Variants in ITGAX observed in about 807,000 individuals in gnomAD.
The protein encoded by ITGAX is integrin subunit alpha X.
ITGAX carries 99 observed loss-of-function variants against 140.2 expected under a neutral mutation model. The ratio of observed to expected loss-of-function variants is 0.71; its 90% confidence interval spans 0.60 to 0.83. The LOEUF is 0.83. Ranked by LOEUF, ITGAX falls within the 40% of genes least tolerant of loss-of-function variation. The pLI is 0.00. For missense variants in ITGAX, 1,444 were observed against 1,482.0 expected (o/e 0.97, Z 0.42); for synonymous variants, 631 against 600.4 (o/e 1.05, Z -0.75).
intron 5 of ITGAX, chr16:31,358,548 G>A (rs182436978): frequency 2.0e-5 from 3 of 152,416 alleles, no homozygotes; most frequent in East Asian, 3.9e-4. Context: ...GCTGTAGGGA[G>A]CTTTGATCAC....
chr16:31,356,030 C>T (rs2080756425), intron 2 of ITGAX, 32 bp downstream of exon 2: 1 of 1,490,368 alleles, frequency 6.7e-7, no homozygotes, highest in African/African-American at 1.4e-5. Context: ...CCTTTGGCTC[C>T]ATCCATCCTC....
rs1469546083 is a variant in ITGAX at position 31,373,313 on chromosome 16, G to A, written c.2431G>A (p.Gly811Arg). ...LNAEVMVWND[G>R]EDSYGTTITF... ...CGCAGAAGTGATGGTGTGGAATGAC[G>A]GGGAAGACTCCTACGGAACCACCAT... The change falls in exon 20 of 30, where the codon GGG becomes AGG. Residue 811 changes from glycine (G) to arginine (R), a missense_variant. Coordinates refer to ENST00000268296, the MANE Select transcript of ITGAX (RefSeq NM_000887.5). 1.2e-5 allele frequency: 19 copies of A among 1,613,762 alleles called. No homozygotes were observed. Among genetic ancestry groups the A allele is most frequent in the African/African-American group, 2.7e-5 (2 of 74,904 alleles).
Position 31,379,842 on chromosome 16 carries a change from A to C in ITGAX, c.2954A>C (p.Asp985Ala). The change falls in exon 25 of 30, where the codon GAT becomes GCT. Residue 985 changes from aspartate (D) to alanine (A), a missense_variant. By Grantham distance (126) the Asp-to-Ala change is moderately radical. Transcript: ENST00000268296. ...VELNQEAVWMDVEVSHPQNPS... is the reference protein window; with the variant it reads ...VELNQEAVWMAVEVSHPQNPS... The stretch of plus-strand genomic sequence containing the variant: ...CTGAACCAGGAGGCTGTGTGGATGG[A>C]TGTGGAGGTCTCCCACCCCCAGGTA... 6.2e-7 allele frequency: 1 copy of C among 1,614,082 alleles called. No homozygotes were observed. Among genetic ancestry groups the C allele is most frequent in the Non-Finnish European group, 8.5e-7 (1 of 1,179,988 alleles).
rs748335762 is a variant in ITGAX, at chr16:31,371,693, C to T, written c.2069C>T (p.Ala690Val). The change falls in exon 17 of 30, where the codon GCC (alanine) becomes GTC (valine). Residue 690 changes from alanine (A) to valine (V), a missense_variant. Physicochemically the swap from Ala to Val is moderately conservative, Grantham distance 64. Transcript: ENST00000268296. ...ALDPGRLSPRATFQETKNRSL... is the reference protein window; with the variant it reads ...ALDPGRLSPRVTFQETKNRSL... ...GACCCTGGCCGCCTGAGTCCCCGTG[C>T]CACCTTCCAGGAAACAAAGAACCGG... 1.9e-6 allele frequency: 3 copies of T among 1,614,158 alleles called. No homozygotes were observed. The highest frequency in any genetic ancestry group is 2.5e-6 in the Non-Finnish European group (3 of 1,180,044).
chr16:31,373,103 AGAAGAAG>A, intron 19 of ITGAX, 139 bp from the exon 20 acceptor site: 2 of 91,382 alleles, frequency 2.2e-5, no homozygotes, highest in Non-Finnish European at 3.1e-5. Flanking sequence ...TTAAAAAAAA[AGAAGAAG>A]AAGAAGAAGA....
At chr16:31,371,590 G>A in intron 16 of ITGAX, 40 bp from the exon 17 acceptor site, 2 of 1,612,354 alleles carry the variant, frequency 1.2e-6, no homozygotes, top group Non-Finnish European at 1.7e-6. Context: ...GTCCACCCAA[G>A]GAGTTCCTGT....
In ITGAX at chr16:31,382,430, T is replaced by C. The variant is rs781230055; in HGVS notation, c.*523T>C. 6 of 1,535,294 alleles carry C rather than the reference T, an allele frequency of 3.9e-6. No homozygotes were observed. The highest frequency in any genetic ancestry group is 1.7e-4 in the Middle Eastern group (1 of 5,990). ...CCGGCCCGATCTTTCTAAAATACAGTTCTGAATATGCTGCTCATCCCCACC... is the reference window on the plus strand; with the variant it reads ...CCGGCCCGATCTTTCTAAAATACAGCTCTGAATATGCTGCTCATCCCCACC... On this transcript the variant is annotated 3_prime_UTR_variant, in exon 30 of 30. Coordinates refer to ENST00000268296, the MANE Select transcript of ITGAX (RefSeq NM_000887.5).
At chr16:31,372,324 G>C (rs1184028365) in intron 17 of ITGAX, 54 bp from the exon 18 acceptor site, 1 of 1,566,084 alleles carries the variant, frequency 6.4e-7, no homozygotes, top group Non-Finnish European at 8.6e-7. Context: ...ATGAGGCCGA[G>C]CGCAGCTCTT....
chr16:31,373,195 A>G, intron 19 of ITGAX, 54 bp from the exon 20 acceptor site: 3 of 1,246,384 alleles, frequency 2.4e-6, no homozygotes, highest in Non-Finnish European at 3.3e-6. Flanking sequence ...ATCCCAGACC[A>G]TTTCTAGCCT....
At chr16:31,372,132 G>A (rs1275493998) in intron 17 of ITGAX, among the ~76,000 whole-genome samples, 3 of 151,562 alleles carry the variant, frequency 2.0e-5, no homozygotes, top group Non-Finnish European at 4.4e-5. Context: ...AGGGGCATAG[G>A]TGGCCAAAAC....
At position 31,380,020 on chromosome 16, in the gene ITGAX, C is replaced by T. The variant is rs375144077; in HGVS notation, c.3015C>T (p.Pro1005=). The stretch of plus-strand genomic sequence containing the variant: ...GGTGCTCCTCAGAGAAAATCGCACC[C>T]CCAGCATCTGACTTCCTGGCGCACA... ...SLRCSSEKIA[P]PASDFLAHIQ... Residue 1005 remains proline, a synonymous_variant, in exon 26 of 30, where the codon CCC becomes CCT. Transcript: ENST00000268296. 6.2e-7 allele frequency: 1 copy of T among 1,614,208 alleles called. No individual in the cohort carries two copies. The highest frequency in any genetic ancestry group is 1.3e-5 in the African/African-American group (1 of 75,048).
At chr16:31,379,303 G>T (rs917829836) in intron 23 of ITGAX, among the ~76,000 whole-genome samples, 2 of 152,016 alleles carry the variant, frequency 1.3e-5, no homozygotes, top group Non-Finnish European at 2.9e-5. Context: ...TTTTAGTAGA[G>T]ACAGGGTTTC....
At chr16:31,379,938 C>G (rs1252818341) in intron 25 of ITGAX, 44 bp from the exon 26 acceptor site, 1 of 1,608,902 alleles carries the variant, frequency 6.2e-7, no homozygotes, top group East Asian at 2.2e-5. Flanking sequence ...ATGTGGGTCC[C>G]TGATGTCCCA....
rs372481940 is a variant in ITGAX, at chr16:31,355,946, C to T, written c.91C>T (p.Arg31Cys). ...GGACACAGAGGAGCTGACAGCCTTC[C>T]GTGTGGACAGCGCTGGGTTTGGAGA... ...NLDTEELTAF[R>C]VDSAGFGDSV... Residue 31 changes from arginine (R) to cysteine (C), a missense_variant, in exon 2 of 30, where the codon CGT becomes TGT. Physicochemically the swap from Arg to Cys is radical, Grantham distance 180. Coordinates refer to ENST00000268296, the MANE Select transcript of ITGAX (RefSeq NM_000887.5). The T allele has an allele frequency of 2.7e-5, 43 of 1,613,872 alleles. No individual in the cohort carries two copies. In the African/African-American group the frequency reaches 2.9e-4, roughly 11 times the overall value.
intron 3 of ITGAX, 78 bp downstream of exon 3, chr16:31,356,806 G>A: frequency 9.0e-7 from 1 of 1,111,560 alleles, no homozygotes; most frequent in East Asian, 2.6e-5. Flanking sequence ...ACTCACCGGA[G>A]TGTCACTTTC....
In ITGAX at chr16:31,357,234, C is replaced by G; in HGVS notation, c.319-19C>G. Reference sequence around the variant, plus strand: ...GGAGGAAGCAGGGGCAGCCCCCCAGCAGCCCGCTGTGTCCCCAGGCCTGCG... The same window carrying G: ...GGAGGAAGCAGGGGCAGCCCCCCAGGAGCCCGCTGTGTCCCCAGGCCTGCG... On this transcript the variant is annotated intron_variant, in intron 4 of 29. Transcript: ENST00000268296. 1 of 1,579,088 alleles carries G rather than the reference C, an allele frequency of 6.3e-7. No individual in the cohort carries two copies. The highest frequency in any genetic ancestry group is 8.6e-7 in the Non-Finnish European group (1 of 1,158,884).
Position 31,371,770 on chromosome 16 carries a change from A to T in ITGAX, c.2146A>T (p.Asn716Tyr). ...GCTGAAGGCACACTGTGAAAACTTC[A>T]ACCTGCTGCTCCCGGTGCGTCTGGG... is the stretch of plus-strand genomic sequence containing the variant. ...LGLKAHCENF[N>Y]LLLPSCVEDS... Residue 716 changes from asparagine (N) to tyrosine (Y), a missense_variant, in exon 17 of 30, where the codon AAC becomes TAC. Asn to Tyr is a moderately radical substitution (Grantham distance 143). Coordinates refer to ENST00000268296, the MANE Select transcript of ITGAX (RefSeq NM_000887.5). The T allele has an allele frequency of 6.2e-7, 1 of 1,613,936 alleles. No homozygotes were observed. Among genetic ancestry groups the T allele is most frequent in the Middle Eastern group, 1.6e-4 (1 of 6,062 alleles).
At position 31,356,857 on chromosome 16, in the gene ITGAX, T is replaced by G. The variant is rs7190997; in HGVS notation, c.247+129T>G. On this transcript the variant is annotated intron_variant, in intron 3 of 29. Coordinates refer to ENST00000268296, the MANE Select transcript of ITGAX (RefSeq NM_000887.5). Reference sequence around the variant, plus strand: ...TGAGACCCTCACCCTCAGATATGCTTCCTGGCCCCTTAAGGCCTCCCCGCC... The same window carrying G: ...TGAGACCCTCACCCTCAGATATGCTGCCTGGCCCCTTAAGGCCTCCCCGCC... 1.2e-5 allele frequency: 10 copies of G among 819,350 alleles called. No individual in the cohort carries two copies. The South Asian group carries it at 1.7e-4, about 14-fold the overall frequency. The allele number at this position is 819,350 out of a possible 1,614,324, so 50.8% of individuals were successfully genotyped here. A position where few individuals can be genotyped will look rare whatever the true frequency, so the allele number is the denominator to read the frequency against.
At chr16:31,370,594 G>A (rs2080945273) in intron 14 of ITGAX, among the ~76,000 whole-genome samples, 1 of 152,180 alleles carries the variant, frequency 6.6e-6, no homozygotes, top group African/African-American at 2.4e-5. Flanking sequence ...TTGCAACGAG[G>A]GAGGTGAGGT....
Sources: gnomAD v4.1 joint callset for allele counts (sites outside exome capture counted in the v4.1 genomes callset) on GRCh38, gnomAD v4.1.1 for gene constraint, MANE v1.5 for transcripts, NCBI Gene and HGNC (gene_info 2026-07-23, HGNC 2026-07-21) for gene names.